Variants in KLF8 observed in about 807,000 individuals in gnomAD.
KLF8 encodes Krueppel-like factor 8.
Under a neutral mutation model 18.2 loss-of-function variants are expected in KLF8, and 10 were observed. The ratio of observed to expected loss-of-function variants is 0.55; its 90% confidence interval spans 0.34 to 0.93. KLF8 has a LOEUF of 0.93. Among genes scored for constraint, KLF8 ranks in the 40% least tolerant of loss-of-function variants. KLF8 has a pLI of 0.02. For missense variants in KLF8, 264 were observed against 277.9 expected, an observed-to-expected ratio of 0.95 and a Z score of 0.36; for synonymous variants, 109 against 97.3, an observed-to-expected ratio of 1.12 and a Z score of -0.71.
At chrX:56,101,049 T>G in the KLF8 span, among the ~76,000 whole-genome samples, 7 of 111,439 alleles carry the variant, frequency 6.3e-5, no homozygotes, top group Non-Finnish European at 1.3e-4. Context: ...AGGTTTGGGA[T>G]ATGGATGATT....
the KLF8 span, among the ~76,000 whole-genome samples, chrX:56,090,820 C>T: frequency 9.0e-6 from 1 of 111,461 alleles, no homozygotes; most frequent in Non-Finnish European, 1.9e-5. Context: ...CTATTTTTCC[C>T]CTCAGTCCAT....
At chrX:56,208,423 G>C in the KLF8 span, among the ~76,000 whole-genome samples, 2 of 111,308 alleles carry the variant, frequency 1.8e-5, no homozygotes, top group African/African-American at 6.5e-5. Flanking sequence ...TTTTTAAAAA[G>C]CTAACTTTTT....
At chrX:55,979,414 C>T in the KLF8 span, among the ~76,000 whole-genome samples, 1 of 111,616 alleles carries the variant, frequency 9.0e-6, no homozygotes, top group Admixed American at 9.5e-5. Context: ...TTGGTACTAT[C>T]CATGGTTTCA....
chrX:56,237,588 G>A (rs769853304), intron 1 of KLF8, among the ~76,000 whole-genome samples: 1 of 111,356 alleles, frequency 9.0e-6, no homozygotes, highest in Non-Finnish European at 1.9e-5. Flanking sequence ...GACTGCATAG[G>A]TTTTTACTAT....
At chrX:56,065,578 G>A in the KLF8 span, among the ~76,000 whole-genome samples, 2 of 111,118 alleles carry the variant, frequency 1.8e-5, no homozygotes, top group Admixed American at 1.9e-4. Flanking sequence ...TTGCTGGAAA[G>A]TTGTTGCATT....
At chrX:56,198,944 C>T in the KLF8 span, among the ~76,000 whole-genome samples, 66 of 111,510 alleles carry the variant, frequency 5.9e-4, no homozygotes, top group Non-Finnish European at 7.9e-4. Flanking sequence ...CACACATCTA[C>T]CACCATCTTA....
chrX:55,978,009 G>A, the KLF8 span, among the ~76,000 whole-genome samples: 1 of 110,193 alleles, frequency 9.1e-6, no homozygotes, highest in East Asian at 2.9e-4. Flanking sequence ...GGTTGGAGTG[G>A]TTCAAAGGGG....
chrX:56,268,819 C>A (rs902595642), intron 3 of KLF8: 5 of 814,550 alleles, frequency 6.1e-6, no homozygotes, highest in Non-Finnish European at 7.4e-6. Context: ...GAATATTTGA[C>A]AGCTTCTCCC....
chrX:55,993,619 A>T, the KLF8 span, among the ~76,000 whole-genome samples: 1 of 112,208 alleles, frequency 8.9e-6, no homozygotes, highest in Admixed American at 9.4e-5. Context: ...GGCCTTATAA[A>T]ATGTGGTAGG....
the KLF8 span, among the ~76,000 whole-genome samples, chrX:56,116,852 T>C: frequency 1.8e-5 from 2 of 110,303 alleles, no homozygotes. Context: ...TTTGAAATGT[T>C]CTGCCTTTAA....
chrX:56,257,149 A>G (rs1218227646), intron 2 of KLF8, among the ~76,000 whole-genome samples: 1 of 111,504 alleles, frequency 9.0e-6, no homozygotes, highest in Non-Finnish European at 1.9e-5. Context: ...GTTTTATTCT[A>G]TTGTGGTCAG....
At chrX:56,061,252 A>G in the KLF8 span, among the ~76,000 whole-genome samples, 13 of 111,123 alleles carry the variant, frequency 1.2e-4, no homozygotes, top group Non-Finnish European at 2.5e-4. Flanking sequence ...TTTAATTTTG[A>G]TGTTAGGGTG....
chrX:56,243,254 G>C (rs1017383180), intron 1 of KLF8: 2 of 436,702 alleles, frequency 4.6e-6, no homozygotes, highest in African/African-American at 4.9e-5. Flanking sequence ...GAGTCGCAGT[G>C]ACTTGGGCCG....
intron 2 of KLF8, among the ~76,000 whole-genome samples, chrX:56,250,739 GGAGAGA>G (rs756356380): frequency 9.3e-6 from 1 of 108,094 alleles, no homozygotes; most frequent in African/African-American, 3.4e-5. Flanking sequence ...ATATGTACAT[GGAGAGA>G]GAGAGAGAGA....
At chrX:56,181,791 C>CT in the KLF8 span, among the ~76,000 whole-genome samples, 1 of 104,967 alleles carries the variant, frequency 9.5e-6, no homozygotes, top group African/African-American at 3.7e-5. Flanking sequence ...AATATTGCTC[C>CT]CCCCCCTTCT....
chrX:56,170,495 T>C, the KLF8 span, among the ~76,000 whole-genome samples: 1 of 109,612 alleles, frequency 9.1e-6, no homozygotes, highest in Non-Finnish European at 1.9e-5. Context: ...GAGATTGAAA[T>C]AATTTAAAAG....
At chrX:56,136,744 A>G in the KLF8 span, among the ~76,000 whole-genome samples, 1,381 of 111,400 alleles carry the variant, frequency 0.012, 15 homozygotes, top group Non-Finnish European at 0.02. Context: ...AAAAGCCAAA[A>G]TTGACAAATG....
the KLF8 span, among the ~76,000 whole-genome samples, chrX:55,946,333 A>G: frequency 1.8e-5 from 2 of 111,554 alleles, no homozygotes; most frequent in South Asian, 3.8e-4. Flanking sequence ...ATAACACCAC[A>G]TATCTACAAC....
chrX:56,061,289 C>T, the KLF8 span, among the ~76,000 whole-genome samples: 2 of 111,888 alleles, frequency 1.8e-5, no homozygotes, highest in Non-Finnish European at 3.8e-5. Flanking sequence ...CCTGCTTTCT[C>T]CTGTGGACAT....
Sources: allele counts gnomAD v4.1 joint callset (sites outside exome capture counted in the v4.1 genomes callset), GRCh38; gene constraint gnomAD v4.1.1; transcripts MANE v1.5; gene names NCBI Gene and HGNC (gene_info 2026-07-23, HGNC 2026-07-21).